Variants in CNIH4 observed in about 807,000 individuals in gnomAD.
CNIH4 encodes cornichon family member 4.
CNIH4 carries 9 observed loss-of-function variants against 21.5 expected under a neutral mutation model. The ratio of observed to expected loss-of-function variants is 0.42; its 90% CI spans 0.25 to 0.73. The LOEUF is 0.73. CNIH4 is among the 30% of genes least tolerant of loss of function. The pLI, the probability that CNIH4 is intolerant of heterozygous loss-of-function variation, is 0.27. For missense variants in CNIH4, 159 were observed against 170.0 expected (o/e 0.94, Z 0.36); for synonymous variants, 67 against 59.1 (o/e 1.13, Z -0.61).
rs1400517075 is a variant in CNIH4, at chr1:224,376,410, C to A, written c.*588C>A. The stretch of plus-strand genomic sequence containing the variant: ...TGTGAAACCTTATAAGCCATTTTCC[C>A]CAGGTACAATGTAGTTCCTGCTGAT... On this transcript the variant is annotated 3_prime_UTR_variant, in exon 5 of 5. Transcript: ENST00000465271. The A allele has an allele frequency of 1.0e-6, 1 of 985,146 alleles. No homozygotes were observed. Among genetic ancestry groups the A allele is most frequent in the Non-Finnish European group, 1.2e-6 (1 of 829,880 alleles). The allele number at this position is 985,146 out of a possible 1,614,324, so 61.0% of individuals were successfully genotyped here. A position where few individuals can be genotyped will look rare whatever the true frequency, so the allele number is the denominator to read the frequency against.
At chr1:224,361,686 G>T (rs971926847) in intron 2 of CNIH4, among the ~76,000 whole-genome samples, 1 of 151,814 alleles carries the variant, frequency 6.6e-6, no homozygotes, top group Non-Finnish European at 1.5e-5. Flanking sequence ...AGGCTCAAGC[G>T]ATCCTTCCAC....
intron 2 of CNIH4, among the ~76,000 whole-genome samples, chr1:224,362,105 G>A (rs1672304585): frequency 6.6e-6 from 1 of 150,684 alleles, no homozygotes; most frequent in Non-Finnish European, 1.5e-5. Context: ...TTTTGAGACG[G>A]AGTCTCACTC....
intron 2 of CNIH4, among the ~76,000 whole-genome samples, chr1:224,363,211 T>C (rs1672350619): frequency 6.6e-6 from 1 of 151,982 alleles, no homozygotes; most frequent in African/African-American, 2.4e-5. Context: ...TGCTGGCTAA[T>C]TTTTGTATTT....
chr1:224,365,978 T>G lies in CNIH4; in HGVS notation c.238T>G (p.Trp80Gly), dbSNP rs1672439655. The G allele has an allele frequency of 1.3e-6, 2 of 1,585,630 alleles. No homozygotes were observed. The highest frequency in any genetic ancestry group is 1.7e-6 in the Non-Finnish European group (2 of 1,153,956). Residue 80 changes from tryptophan to glycine, a missense_variant, in exon 3 of 5, where the codon TGG becomes GGG. By Grantham distance (184) the Trp-to-Gly change is radical. Coordinates refer to ENST00000465271, the MANE Select transcript of CNIH4 (RefSeq NM_014184.4). ...CCTTCTCAACTTACCTGTTGCCACTTGGAATATATATCGGTGAGTATAGTT... is the reference window on the plus strand; with the variant it reads ...CCTTCTCAACTTACCTGTTGCCACTGGGAATATATATCGGTGAGTATAGTT... ...IFLLNLPVAT[W>G]NIYRYIMVPS...
intron 2 of CNIH4, 36 bp from the exon 3 acceptor site, chr1:224,365,843 A>G (rs757829814): frequency 3.5e-6 from 4 of 1,153,980 alleles, no homozygotes; most frequent in South Asian, 2.4e-5. Context: ...GGAAGGACAT[A>G]GCAGTGAGAT....
chr1:224,369,404 C>T (rs1415835527), intron 3 of CNIH4, among the ~76,000 whole-genome samples: 1 of 152,032 alleles, frequency 6.6e-6, no homozygotes, highest in African/African-American at 2.4e-5. Context: ...GAGACCCCAT[C>T]TCTACTAAAA....
intron 2 of CNIH4, among the ~76,000 whole-genome samples, chr1:224,362,648 C>A (rs530185873): frequency 4.0e-5 from 6 of 151,832 alleles, no homozygotes; most frequent in African/African-American, 1.4e-4. Context: ...TGCCACCATG[C>A]CTGGCTAATT....
chr1:224,361,261 A>G (rs1672282120), intron 2 of CNIH4, among the ~76,000 whole-genome samples: 1 of 151,288 alleles, frequency 6.6e-6, no homozygotes, highest in South Asian at 2.1e-4. Flanking sequence ...GATTACAGGC[A>G]CTGCCACCAC....
intron 4 of CNIH4, among the ~76,000 whole-genome samples, chr1:224,374,089 T>A (rs1389839909): frequency 6.6e-6 from 1 of 152,198 alleles, no homozygotes. Flanking sequence ...GTTCAGAGGG[T>A]CAGAAGATGT....
At chr1:224,374,153 G>A (rs944830873) in intron 4 of CNIH4, among the ~76,000 whole-genome samples, 73 of 152,166 alleles carry the variant, frequency 4.8e-4, no homozygotes, top group African/African-American at 5.3e-4. Flanking sequence ...CAGTGGTTTT[G>A]CTATTACTAC....
chr1:224,356,957 C>G lies in CNIH4; in HGVS notation c.33C>G (p.Leu11=), dbSNP rs141928208. Residue 11 remains leucine, a synonymous_variant, in exon 1 of 5, where the codon CTC becomes CTG. Coordinates refer to ENST00000465271, the MANE Select transcript of CNIH4 (RefSeq NM_014184.4). MEAVVFVFSL[L]DCCALIFLSV... is the part of the protein sequence containing the mutation. ...CGGTGGTGTTCGTCTTCTCTCTCCT[C>G]GATTGTTGCGCGCTCATCTTCCTCT... 1,454 of 1,612,496 alleles carry G rather than the reference C, an allele frequency of 9.0e-4. 1 individual carries two copies. Among genetic ancestry groups the G allele is most frequent in the Non-Finnish European group, 1.1e-3 (1,342 of 1,179,360 alleles).
At chr1:224,357,829 C>T (rs908456769) in intron 1 of CNIH4, among the ~76,000 whole-genome samples, 2 of 152,246 alleles carry the variant, frequency 1.3e-5, no homozygotes, top group African/African-American at 4.8e-5. Flanking sequence ...TTTAGCACTG[C>T]AGTAGCCATG....
chr1:224,364,491 G>C, intron 2 of CNIH4: 1 of 600,544 alleles, frequency 1.7e-6, no homozygotes, highest in South Asian at 7.3e-5. Context: ...TGAAAACATT[G>C]TGGCTTAGAG....
rs767635913 is a variant in CNIH4 at position 224,375,870 on chromosome 1, T to G, written c.*48T>G. On this transcript the variant is annotated 3_prime_UTR_variant, in exon 5 of 5. Coordinates refer to ENST00000465271, the MANE Select transcript of CNIH4 (RefSeq NM_014184.4). ...GTCAGCCTACACTACAGTGCACAGTTGAGGAGCCAGAGACTTCTTAAATCA... is the reference window on the plus strand; with the variant it reads ...GTCAGCCTACACTACAGTGCACAGTGGAGGAGCCAGAGACTTCTTAAATCA... 9 of 1,608,448 alleles carry G rather than the reference T, an allele frequency of 5.6e-6. No homozygotes were observed. The highest frequency in any genetic ancestry group is 7.6e-6 in the Non-Finnish European group (9 of 1,177,092).
At position 224,379,233 on chromosome 1, in the gene CNIH4, T is replaced by G; in HGVS notation, c.*3411T>G. 1.2e-6 allele frequency: 1 copy of G among 814,122 alleles called. No homozygotes were observed. Among genetic ancestry groups the G allele is most frequent in the Non-Finnish European group, 2.0e-6 (1 of 495,214 alleles). The allele number at this position is 814,122 out of a possible 1,614,324, so 50.4% of individuals were successfully genotyped here. ...ACAAAACCTGACCTGGTCTTTGAAG[T>G]TAAGAGCTAAGAAAGCTTCCTATAG... is the stretch of plus-strand genomic sequence containing the variant. On this transcript the variant is annotated 3_prime_UTR_variant, in exon 5 of 5. Coordinates refer to ENST00000465271, the MANE Select transcript of CNIH4 (RefSeq NM_014184.4).
At position 224,376,850 on chromosome 1, in the gene CNIH4, T is replaced by TC. The variant is rs1672795844; in HGVS notation, c.*1028_*1029insC. The TC allele has an allele frequency of 3.0e-6, 3 of 985,336 alleles. No individual in the cohort carries two copies. In the African/African-American group the frequency reaches 5.2e-5, roughly 17 times the overall value. The allele number at this position is 985,336 out of a possible 1,614,324, so 61.0% of individuals were successfully genotyped here. ...CCTCCTTAGCTCTGTTTGCCAGCTC[T>TC]TACAGGGTAAAATAAACCTGGCAAT... On this transcript the variant is annotated 3_prime_UTR_variant, in exon 5 of 5. Coordinates refer to ENST00000465271, the MANE Select transcript of CNIH4 (RefSeq NM_014184.4).
At chr1:224,371,896 C>T (rs777008050) in intron 4 of CNIH4, among the ~76,000 whole-genome samples, 8 of 152,170 alleles carry the variant, frequency 5.3e-5, no homozygotes, top group Admixed American at 3.3e-4. Context: ...GAGCCAGGAT[C>T]GCGCCATTGC....
In CNIH4 at chr1:224,371,373, C is replaced by G. The variant is rs1161866151; in HGVS notation, c.342C>G (p.Ala114=). The G allele has an allele frequency of 1.2e-6, 2 of 1,614,094 alleles. No homozygotes were observed. Among genetic ancestry groups the G allele is most frequent in the South Asian group, 2.2e-5 (2 of 91,074 alleles). The change falls in exon 4 of 5, where the codon GCC becomes GCG. Residue 114 remains alanine (A), a synonymous_variant. Transcript: ENST00000465271. The part of the protein sequence containing the change: ...RGQLKSHMKE[A]MIKLGFHLLC... ...AGCTGAAGTCACACATGAAAGAAGCCATGATCAAGCTTGGTTTCCACTTGC... is the reference window on the plus strand; with the variant it reads ...AGCTGAAGTCACACATGAAAGAAGCGATGATCAAGCTTGGTTTCCACTTGC...
At position 224,375,718 on chromosome 1, in the gene CNIH4, C is replaced by T. The variant is rs1374054978; in HGVS notation, c.393-77C>T. The T allele has an allele frequency of 2.2e-5, 34 of 1,525,956 alleles. No homozygotes were observed. The Admixed American group carries it at 3.1e-4, about 14-fold the overall frequency. 94.5% of individuals were successfully genotyped at this position (1,525,956 alleles called of 1,614,324 possible). ...ATTGTTCCTTTGTGAACCTTAGGGA[C>T]GCAAGTCTGGACAAACCAGGCTCTG... On this transcript the variant is annotated intron_variant, in intron 4 of 4. Transcript: ENST00000465271.
Sources: gnomAD v4.1 joint callset for allele counts (sites outside exome capture counted in the v4.1 genomes callset) on GRCh38, gnomAD v4.1.1 for gene constraint, MANE v1.5 for transcripts, NCBI Gene and HGNC (gene_info 2026-07-23, HGNC 2026-07-21) for gene names.